ATP9A: variants seen among roughly 807,000 people sequenced by gnomAD.
ATP9A encodes the protein probable phospholipid-transporting ATPase IIA.
A neutral mutation model predicts 144.1 loss-of-function variants in ATP9A; 52 were observed. That is an observed-to-expected ratio of 0.36 (90% confidence interval 0.29 to 0.45). The LOEUF (loss-of-function observed/expected upper bound fraction) is 0.45, where lower values mean the gene tolerates loss of function less well. Among genes scored for constraint, ATP9A ranks in the 20% least tolerant of loss-of-function variants. The pLI is 1.00. For synonymous variants in ATP9A, 582 were observed against 557.4 expected, an observed-to-expected ratio of 1.04 and a Z score of -0.62; for missense variants, 947 against 1,392.7, an observed-to-expected ratio of 0.68 and a Z score of 5.09.
chr20:51,614,408 C>T (rs2077195316), intron 22 of ATP9A, among the ~76,000 whole-genome samples: 3 of 152,194 alleles, frequency 2.0e-5, no homozygotes, highest in South Asian at 2.1e-4. Flanking sequence ...TCAAGCCATC[C>T]TCCCACCTCA....
intron 1 of ATP9A, among the ~76,000 whole-genome samples, chr20:51,764,804 C>T (rs1418652452): frequency 6.6e-6 from 1 of 152,134 alleles, no homozygotes. Flanking sequence ...TCACCGCAAC[C>T]TCCACATCCT....
intron 26 of ATP9A, among the ~76,000 whole-genome samples, chr20:51,605,236 G>A (rs1284686525): frequency 6.6e-6 from 1 of 152,188 alleles, no homozygotes; most frequent in Non-Finnish European, 1.5e-5. Context: ...ACTACAAAGT[G>A]AGAAAAAGGG....
chr20:51,659,413 A>C (rs1206222249), intron 13 of ATP9A, among the ~76,000 whole-genome samples: 1 of 152,226 alleles, frequency 6.6e-6, no homozygotes, highest in African/African-American at 2.4e-5. Context: ...CAATTAAATT[A>C]ATAACTTAAT....
chr20:51,748,936 T>TAGACAGACAGAC (rs1218193799), intron 1 of ATP9A, among the ~76,000 whole-genome samples: 109 of 128,498 alleles, frequency 8.5e-4, no homozygotes, highest in African/African-American at 3.2e-3. Context: ...GATAGATAGA[T>TAGACAGACAGAC]AGATAGATAG....
At chr20:51,677,123 G>T (rs1235067934) in intron 9 of ATP9A, among the ~76,000 whole-genome samples, 1 of 151,024 alleles carries the variant, frequency 6.6e-6, no homozygotes, top group Non-Finnish European at 1.5e-5. Context: ...TTGTAGAAAT[G>T]AGGTCTCACT....
At chr20:51,609,622 C>T (rs187515491) in intron 24 of ATP9A, among the ~76,000 whole-genome samples, 8 of 152,316 alleles carry the variant, frequency 5.3e-5, no homozygotes, top group African/African-American at 1.4e-4. Context: ...GTCACTGTGG[C>T]ACAGCAGCCA....
chr20:51,678,155 G>A (rs919501455), intron 9 of ATP9A, among the ~76,000 whole-genome samples: 23 of 151,596 alleles, frequency 1.5e-4, no homozygotes, highest in Admixed American at 1.4e-3. Flanking sequence ...GGGCAGTGGG[G>A]GGCAGGCAGT....
At chr20:51,606,080 C>T (rs936376897) in intron 26 of ATP9A, among the ~76,000 whole-genome samples, 7 of 151,916 alleles carry the variant, frequency 4.6e-5, no homozygotes, top group Non-Finnish European at 7.4e-5. Flanking sequence ...CCAGCCTGGC[C>T]AACATGGTGA....
chr20:51,725,541 T>TATAC (rs550725468), intron 3 of ATP9A, among the ~76,000 whole-genome samples: 20 of 152,216 alleles, frequency 1.3e-4, no homozygotes, highest in Non-Finnish European at 1.6e-4. Flanking sequence ...ACTTGTGCCA[T>TATAC]ATACAATAAA....
chr20:51,749,838 C>T (rs1045912247), intron 1 of ATP9A, among the ~76,000 whole-genome samples: 2 of 152,016 alleles, frequency 1.3e-5, no homozygotes, highest in Non-Finnish European at 2.9e-5. Flanking sequence ...TGACTCAGTA[C>T]ACTTTTTTCT....
intron 14 of ATP9A, among the ~76,000 whole-genome samples, 182 bp from the exon 15 acceptor site, chr20:51,639,686 G>A (rs1462320019): frequency 6.6e-6 from 1 of 152,176 alleles, no homozygotes; most frequent in East Asian, 1.9e-4. Flanking sequence ...GGGTCTATGA[G>A]GGCTCCCACA....
At chr20:51,676,329 G>GCAAGAC in intron 9 of ATP9A, 121 bp from the exon 10 acceptor site, 1 of 707,694 alleles carries the variant, frequency 1.4e-6, no homozygotes, top group Non-Finnish European at 2.2e-6. Context: ...TTGAGACAGA[G>GCAAGAC]TCTTGCTCTG....
At chr20:51,664,959 T>G (rs547540227) in intron 13 of ATP9A, among the ~76,000 whole-genome samples, 129 of 151,492 alleles carry the variant, frequency 8.5e-4, no homozygotes, top group African/African-American at 2.9e-3. Flanking sequence ...CTCAAACTCC[T>G]GATCTCGTGA....
intron 15 of ATP9A, among the ~76,000 whole-genome samples, chr20:51,637,376 G>C (rs1042295561): frequency 2.7e-5 from 4 of 146,366 alleles, no homozygotes; most frequent in African/African-American, 1.0e-4. Flanking sequence ...GGCACTGACT[G>C]TGAGTCTACC....
intron 9 of ATP9A, among the ~76,000 whole-genome samples, chr20:51,680,212 AGT>A (rs1568817618): frequency 7.2e-6 from 1 of 139,726 alleles, no homozygotes; most frequent in Non-Finnish European, 1.5e-5. Context: ...CCTGAGCGAC[AGT>A]GAGACTGTCT....
At chr20:51,678,997 G>T (rs1276362486) in intron 9 of ATP9A, among the ~76,000 whole-genome samples, 2 of 152,082 alleles carry the variant, frequency 1.3e-5, no homozygotes, top group East Asian at 1.9e-4. Context: ...TGAATAACTG[G>T]CCACTTTTAA....
chr20:51,633,759 A>AAAAAG (rs1310254256), intron 15 of ATP9A, among the ~76,000 whole-genome samples: 3 of 125,762 alleles, frequency 2.4e-5, no homozygotes, highest in Non-Finnish European at 5.4e-5. Context: ...AAAGAAAGAA[A>AAAAAG]AGAAGAGAAA....
intron 15 of ATP9A, among the ~76,000 whole-genome samples, chr20:51,631,753 C>T (rs927891724): frequency 5.3e-5 from 8 of 152,184 alleles, no homozygotes; most frequent in African/African-American, 1.9e-4. Context: ...TCTACAGCCA[C>T]GATCCAAACC....
intron 15 of ATP9A, among the ~76,000 whole-genome samples, chr20:51,635,861 AAGGG>A (rs145372818): frequency 0.13 from 10,594 of 80,422 alleles, 741 homozygotes; most frequent in Non-Finnish European, 0.18. Flanking sequence ...AGGAAGGAGG[AAGGG>A]AGGGAGGGAG....
Sources: allele counts gnomAD v4.1 joint callset (sites outside exome capture counted in the v4.1 genomes callset), GRCh38; gene constraint gnomAD v4.1.1; transcripts MANE v1.5; gene names NCBI Gene and HGNC (gene_info 2026-07-23, HGNC 2026-07-21).